EP400: variants seen among roughly 807,000 people sequenced by gnomAD.
EP400 encodes E1A-binding protein p400.
A neutral mutation model predicts 354.1 loss-of-function variants in EP400; 105 were observed. That is an observed-to-expected ratio of 0.30 (90% CI 0.25 to 0.35). EP400 has a LOEUF of 0.35. Among genes scored for constraint, EP400 ranks in the 10% least tolerant of loss-of-function variants. The probability of loss-of-function intolerance (pLI) is 1.00; values close to 1 mark genes in which losing one functional copy is unlikely to be tolerated. For synonymous variants in EP400, 1,646 were observed against 1,716.9 expected (o/e 0.96, Z 1.02); for missense variants, 3,280 against 4,121.0 (o/e 0.80, Z 5.59).
intron 34 of EP400, 103 bp from the exon 35 acceptor site, chr12:132,044,074 G>T: frequency 1.3e-6 from 2 of 1,500,236 alleles, no homozygotes; most frequent in Non-Finnish European, 1.8e-6. Flanking sequence ...TGTGTGTAGA[G>T]AACATGTGGC....
At position 132,077,964 on chromosome 12, in the gene EP400, A is replaced by G. The variant is rs1896287808; in HGVS notation, c.*291A>G. ...CCACCCGCACCCGTCCCCTAGAGCC[A>G]TAGTACTGTGTTCTGAAAGCCATTT... On this transcript the variant is annotated 3_prime_UTR_variant, in exon 53 of 53. Transcript: ENST00000389561. The G allele has an allele frequency of 4.8e-6, 2 of 418,692 alleles. No individual in the cohort carries two copies. The highest frequency in any genetic ancestry group is 4.3e-6 in the Non-Finnish European group (1 of 232,562). 25.9% of individuals were successfully genotyped at this position (418,692 alleles called of 1,614,324 possible).
chr12:132,072,229 G>A (rs908215952), intron 51 of EP400, among the ~76,000 whole-genome samples: 13 of 152,152 alleles, frequency 8.5e-5, no homozygotes, highest in Non-Finnish European at 1.2e-4. Flanking sequence ...CGGAGGGCCC[G>A]GGACCGCAGG....
chr12:132,036,649 A>G (rs1894728087), intron 30 of EP400, among the ~76,000 whole-genome samples: 1 of 152,258 alleles, frequency 6.6e-6, no homozygotes, highest in East Asian at 1.9e-4. Flanking sequence ...TGGAAATGCC[A>G]TCCCCACTTT....
chr12:132,040,775 G>C (rs1031778295), intron 32 of EP400, among the ~76,000 whole-genome samples: 7 of 152,200 alleles, frequency 4.6e-5, no homozygotes, highest in Admixed American at 4.6e-4. Flanking sequence ...TGTGGCTGAG[G>C]GGGTGGGGAG....
chr12:131,998,656 T>C (rs1893295297), intron 12 of EP400, among the ~76,000 whole-genome samples: 1 of 143,178 alleles, frequency 7.0e-6, no homozygotes, highest in South Asian at 2.3e-4. Context: ...CAGTCTTGTA[T>C]ACAAAGACTT....
At chr12:132,002,123 G>T (rs1407580458) in intron 12 of EP400, among the ~76,000 whole-genome samples, 1 of 152,142 alleles carries the variant, frequency 6.6e-6, no homozygotes. Flanking sequence ...CTTTTGTAAA[G>T]CATGTCTCTT....
At chr12:131,993,257 TCAGGTAATC>T (rs2136506893) in intron 11 of EP400, among the ~76,000 whole-genome samples, 1 of 152,268 alleles carries the variant, frequency 6.6e-6, no homozygotes, top group South Asian at 2.1e-4. Flanking sequence ...ACTCCTGACC[TCAGGTAATC>T]CACCCGCCTC....
intron 41 of EP400, among the ~76,000 whole-genome samples, chr12:132,051,730 TC>T (rs1895296904): frequency 6.6e-6 from 1 of 152,046 alleles, no homozygotes. Context: ...CGGTTAGGCC[TC>T]CGGATAACTG....
intron 12 of EP400, among the ~76,000 whole-genome samples, chr12:131,995,403 AGT>A (rs1263280549): frequency 2.0e-5 from 3 of 149,198 alleles, no homozygotes; most frequent in Non-Finnish European, 4.4e-5. Context: ...GTTCATCCTG[AGT>A]GTGTGAGAAC....
intron 12 of EP400, among the ~76,000 whole-genome samples, chr12:131,996,629 A>G (rs78580272): frequency 0.017 from 2,587 of 152,182 alleles, 72 homozygotes; most frequent in African/African-American, 0.059. Flanking sequence ...ACATATATAT[A>G]TCTTTAGTTT....
intron 30 of EP400, among the ~76,000 whole-genome samples, chr12:132,036,397 G>A (rs571499095): frequency 6.6e-6 from 1 of 150,400 alleles, no homozygotes; most frequent in Non-Finnish European, 1.5e-5. Context: ...TTCACACGGA[G>A]CATCGTGGAA....
Position 132,025,032 on chromosome 12 carries a change from A to G in EP400, c.4856-614A>G, listed in dbSNP as rs143031145. On this transcript the variant is annotated intron_variant, in intron 24 of 52. Transcript: ENST00000389561. The surrounding 1 kb of genome is among the most constrained non-coding windows in gnomAD (Gnocchi z 4.1). The stretch of plus-strand genomic sequence containing the variant: ...GAACAAGGCCTGCCACAGAGAAACG[A>G]TTCAGTCTGGTTTACTTCCTTTTTT... Among the ~76,000 whole-genome samples the G allele has an allele frequency of 1.3e-3, 191 of 152,056 alleles. 2 individuals are homozygous for G. The East Asian group carries it at 0.03, about 24-fold the overall frequency.
intron 1 of EP400, among the ~76,000 whole-genome samples, chr12:131,950,306 GC>G (rs1891420280): frequency 1.3e-5 from 2 of 152,152 alleles, no homozygotes; most frequent in Admixed American, 1.3e-4. Flanking sequence ...GGCCCCCCGG[GC>G]TCCTGGGCTG....
At chr12:132,034,633 C>A (rs916038266) in intron 30 of EP400, among the ~76,000 whole-genome samples, 31 of 152,120 alleles carry the variant, frequency 2.0e-4, no homozygotes, top group Admixed American at 1.8e-3. Flanking sequence ...GGCAGATAGC[C>A]CGGCACCCAT....
chr12:131,964,717 A>G (rs528320287), intron 2 of EP400, among the ~76,000 whole-genome samples: 2 of 152,352 alleles, frequency 1.3e-5, no homozygotes, highest in East Asian at 3.8e-4. Context: ...ATATACACAT[A>G]TCTAAAACAT....
intron 3 of EP400, 81 bp from the exon 4 acceptor site, chr12:131,981,408 T>TAA: frequency 8.5e-7 from 1 of 1,172,968 alleles, no homozygotes; most frequent in Non-Finnish European, 1.2e-6. Context: ...TCCAAGATGA[T>TAA]AAAAACACAC....
chr12:131,979,067 A>T (rs1322006629), intron 2 of EP400, among the ~76,000 whole-genome samples: 1 of 152,012 alleles, frequency 6.6e-6, no homozygotes, highest in African/African-American at 2.4e-5. Flanking sequence ...ATTCAAAAAA[A>T]CTAGCCAGGC....
chr12:131,962,184 C>T (rs758836590), intron 2 of EP400, among the ~76,000 whole-genome samples: 2 of 152,170 alleles, frequency 1.3e-5, no homozygotes, highest in East Asian at 1.9e-4. Flanking sequence ...GACGGAGCTG[C>T]GCTATGATGA....
chr12:131,988,831 A>G (rs1892943613), intron 7 of EP400, among the ~76,000 whole-genome samples: 1 of 152,126 alleles, frequency 6.6e-6, no homozygotes, highest in Non-Finnish European at 1.5e-5. Flanking sequence ...TCTTAACGCT[A>G]TGGCCTTGTG....
Sources: allele counts gnomAD v4.1 joint callset (sites outside exome capture counted in the v4.1 genomes callset), GRCh38; gene constraint gnomAD v4.1.1; non-coding constraint Gnocchi (gnomAD v3.1); transcripts MANE v1.5; gene names NCBI Gene and HGNC (gene_info 2026-07-23, HGNC 2026-07-21).